The following CELF4 variants were observed in gnomAD, a reference collection of about 807,000 sequenced individuals.
The protein encoded by CELF4 is CUG-BP- and ETR-3-like factor 4.
A neutral mutation model predicts 59.9 loss-of-function variants in CELF4; 18 were observed. The ratio of observed to expected loss-of-function variants is 0.30; its 90% CI spans 0.21 to 0.45. The LOEUF (loss-of-function observed/expected upper bound fraction) is 0.45. Ranked by LOEUF, CELF4 falls within the 20% of genes least tolerant of loss-of-function variation. The pLI is 1.00. For missense variants in CELF4, 456 were observed against 689.0 expected (o/e 0.66, Z 3.79); for synonymous variants, 261 against 267.1 (o/e 0.98, Z 0.22).
intron 2 of CELF4, among the ~76,000 whole-genome samples, chr18:37,323,966 G>T (rs1461179611): frequency 6.6e-6 from 1 of 152,066 alleles, no homozygotes; most frequent in African/African-American, 2.4e-5. Context: ...GAAGTAAGTG[G>T]GAAAAGTACC....
chr18:37,496,579 C>A (rs565031021), intron 1 of CELF4, among the ~76,000 whole-genome samples: 1 of 152,322 alleles, frequency 6.6e-6, no homozygotes, highest in East Asian at 1.9e-4. Flanking sequence ...CCAACCTCAG[C>A]ATCCAAGACA....
chr18:37,527,137 G>T (rs1038241109), intron 1 of CELF4, among the ~76,000 whole-genome samples: 1 of 151,756 alleles, frequency 6.6e-6, no homozygotes, highest in East Asian at 1.9e-4. Context: ...AAGCTAAATC[G>T]CCTGCAAATG....
At chr18:37,309,338 A>G (rs1444262658) in intron 3 of CELF4, among the ~76,000 whole-genome samples, 1 of 152,152 alleles carries the variant, frequency 6.6e-6, no homozygotes, top group Non-Finnish European at 1.5e-5. Context: ...TTTCCCCTCC[A>G]TAAAATGGGA....
At chr18:37,443,733 G>T (rs544727207) in intron 2 of CELF4, among the ~76,000 whole-genome samples, 6 of 152,088 alleles carry the variant, frequency 3.9e-5, no homozygotes, top group African/African-American at 7.2e-5. Context: ...TCTCTGTGTC[G>T]GGGCTGGGGG....
rs758654987 is a variant in CELF4, at chr18:37,438,876, C to T, written c.369+46649G>A. Among the ~76,000 whole-genome samples, 21 of 152,188 alleles carry T rather than the reference C, an allele frequency of 1.4e-4. No individual in the cohort carries two copies. In the East Asian group the frequency reaches 1.7e-3, roughly 13 times the overall value. ...GCATTTTTTTTTCTTCAATTCTCTC[C>T]CCAAATTGAAAGGATTAGGTTAGGA... On this transcript the variant is annotated intron_variant, in intron 2 of 12. Coordinates refer to ENST00000420428, the MANE Select transcript of CELF4 (RefSeq NM_020180.4).
intron 2 of CELF4, among the ~76,000 whole-genome samples, chr18:37,330,624 C>T (rs914161803): frequency 3.3e-5 from 5 of 152,168 alleles, no homozygotes; most frequent in African/African-American, 7.2e-5. Flanking sequence ...GAGGAGTTCC[C>T]GATGCCCACG....
At chr18:37,339,278 A>G (rs965041229) in intron 2 of CELF4, among the ~76,000 whole-genome samples, 7 of 152,210 alleles carry the variant, frequency 4.6e-5, no homozygotes, top group Non-Finnish European at 8.8e-5. Flanking sequence ...CTGCTTCTGT[A>G]TGGGGGAGGG....
intron 2 of CELF4, among the ~76,000 whole-genome samples, chr18:37,427,994 G>A (rs1056333169): frequency 2.6e-5 from 4 of 152,206 alleles, no homozygotes; most frequent in South Asian, 2.1e-4. Flanking sequence ...TGCACACCCC[G>A]GCATACATGC....
intron 3 of CELF4, among the ~76,000 whole-genome samples, chr18:37,278,222 C>T (rs541609517): frequency 1.3e-5 from 2 of 152,290 alleles, no homozygotes; most frequent in South Asian, 4.1e-4. Flanking sequence ...CTCTTCCTCC[C>T]CATCTGGATT....
At chr18:37,397,544 G>T (rs1388752039) in intron 2 of CELF4, among the ~76,000 whole-genome samples, 1 of 152,170 alleles carries the variant, frequency 6.6e-6, no homozygotes, top group Non-Finnish European at 1.5e-5. Context: ...GAGTCCTGGG[G>T]AGTCCATGGG....
intron 2 of CELF4, among the ~76,000 whole-genome samples, chr18:37,424,551 G>A (rs749963502): frequency 5.3e-5 from 8 of 152,150 alleles, no homozygotes; most frequent in African/African-American, 1.4e-4. Flanking sequence ...CTGAGCACCC[G>A]ATAGCATTTA....
At chr18:37,327,055 C>T (rs1257303146) in intron 2 of CELF4, among the ~76,000 whole-genome samples, 7 of 152,230 alleles carry the variant, frequency 4.6e-5, no homozygotes, top group Non-Finnish European at 5.9e-5. Context: ...TTGAGCTGGT[C>T]GAAAGGCTTC....
intron 2 of CELF4, among the ~76,000 whole-genome samples, chr18:37,367,162 A>T (rs1169517708): frequency 6.6e-6 from 1 of 152,070 alleles, no homozygotes; most frequent in Non-Finnish European, 1.5e-5. Context: ...CAGGAGGAAG[A>T]GGAGGAGCTA....
chr18:37,555,060 C>A (rs1295404941), intron 1 of CELF4, among the ~76,000 whole-genome samples: 1 of 152,134 alleles, frequency 6.6e-6, no homozygotes, highest in Non-Finnish European at 1.5e-5. Flanking sequence ...TGATTGGGGG[C>A]CTTTCCTTTC....
chr18:37,462,566 G>C (rs1276783026), intron 2 of CELF4, among the ~76,000 whole-genome samples: 1 of 152,226 alleles, frequency 6.6e-6, no homozygotes, highest in Non-Finnish European at 1.5e-5. Flanking sequence ...GCATCCATGA[G>C]TCGCTGTTGC....
At chr18:37,431,048 G>A (rs1332687943) in intron 2 of CELF4, among the ~76,000 whole-genome samples, 2 of 152,178 alleles carry the variant, frequency 1.3e-5, no homozygotes, top group Non-Finnish European at 2.9e-5. Flanking sequence ...AGTATAGGGA[G>A]GAAAGGACTC....
intron 2 of CELF4, among the ~76,000 whole-genome samples, chr18:37,390,953 A>G (rs751442201): frequency 1.4e-4 from 22 of 152,104 alleles, no homozygotes; most frequent in Non-Finnish European, 3.1e-4. Context: ...CAGCCGCTGC[A>G]GGGAGCGGGC....
intron 2 of CELF4, among the ~76,000 whole-genome samples, chr18:37,336,916 G>C (rs2097789706): frequency 6.6e-6 from 1 of 151,984 alleles, no homozygotes; most frequent in Non-Finnish European, 1.5e-5. Flanking sequence ...GGGCTGCCGG[G>C]CTGGCCCCAT....
At chr18:37,501,863 G>A (rs912847572) in intron 1 of CELF4, among the ~76,000 whole-genome samples, 6 of 152,172 alleles carry the variant, frequency 3.9e-5, no homozygotes, top group African/African-American at 1.2e-4. Context: ...GCTGCCTCCC[G>A]CTTTCCTCTC....
Sources: gnomAD v4.1 joint callset for allele counts (sites outside exome capture counted in the v4.1 genomes callset) on GRCh38, gnomAD v4.1.1 for gene constraint, MANE v1.5 for transcripts, NCBI Gene and HGNC (gene_info 2026-07-23, HGNC 2026-07-21) for gene names.